Variants in PCDHGA12 observed in about 807,000 individuals in gnomAD.
The protein encoded by PCDHGA12 is protocadherin gamma subfamily A, 12, also known as protocadherin gamma-A12.
Under a neutral mutation model 61.1 loss-of-function variants are expected in PCDHGA12, and 43 were observed. The observed-to-expected ratio is 0.70, with a 90% CI of 0.55 to 0.91. The LOEUF is 0.91. PCDHGA12 is among the 40% of genes least tolerant of loss of function. PCDHGA12 has a pLI of 0.00. For synonymous variants in PCDHGA12, 520 were observed against 542.9 expected (o/e 0.96, Z 0.59); for missense variants, 1,236 against 1,227.7 (o/e 1.01, Z -0.10).
At chr5:141,478,740 C>T (rs2099474176) in intron 1 of PCDHGA12, 7 of 1,531,524 alleles carry the variant, frequency 4.6e-6, no homozygotes, top group Non-Finnish European at 6.2e-6. Flanking sequence ...GGTTTGTGGT[C>T]CCATTTCAGG....
intron 1 of PCDHGA12, among the ~76,000 whole-genome samples, chr5:141,474,187 T>A (rs2099345004): frequency 6.6e-6 from 1 of 152,210 alleles, no homozygotes; most frequent in South Asian, 2.1e-4. Context: ...ACTACTTACA[T>A]TTTTAAAAGC....
At chr5:141,488,834 G>A (rs976460724) in intron 1 of PCDHGA12, among the ~76,000 whole-genome samples, 1 of 152,160 alleles carries the variant, frequency 6.6e-6, no homozygotes, top group Admixed American at 6.5e-5. Context: ...GCTGCCAAGG[G>A]GGCTGAATCA....
Position 141,476,461 on chromosome 5 carries a change from G to T in PCDHGA12, c.2425-18346G>T. On this transcript the variant is annotated intron_variant, in intron 1 of 3. Transcript: ENST00000252085. This position sits in a 1 kb window ranked among gnomAD's most constrained non-coding sequence, Gnocchi z 7.6. The stretch of plus-strand genomic sequence containing the variant: ...CTCTGGAGTTGGTAGTGGAGAACCC[G>T]CTGGAGCTGTTCAGCGTGGAAGTGG... The T allele has an allele frequency of 6.2e-7, 1 of 1,614,122 alleles. No homozygotes were observed. Among genetic ancestry groups the T allele is most frequent in the Non-Finnish European group, 8.5e-7 (1 of 1,180,022 alleles).
chr5:141,480,371 C>T (rs1562080299), intron 1 of PCDHGA12, among the ~76,000 whole-genome samples: 1 of 151,908 alleles, frequency 6.6e-6, no homozygotes, highest in African/African-American at 2.4e-5. Flanking sequence ...GCTGTGATTG[C>T]ACCACTACAC....
Position 141,476,788 on chromosome 5 carries a change from C to G in PCDHGA12, c.2425-18019C>G. 1 of 1,613,478 alleles carries G rather than the reference C, an allele frequency of 6.2e-7. No homozygotes were observed. Among genetic ancestry groups the G allele is most frequent in the Non-Finnish European group, 8.5e-7 (1 of 1,180,032 alleles). ...CGTTGGACGGAGGGACCCCAGCTCT[C>G]TCCGCCAGCCTGCCTATTCACATCA... On this transcript the variant is annotated intron_variant, in intron 1 of 3. Coordinates refer to ENST00000252085, the MANE Select transcript of PCDHGA12 (RefSeq NM_003735.3). This position sits in a 1 kb window ranked among gnomAD's most constrained non-coding sequence, Gnocchi z 7.6.
Position 141,490,310 on chromosome 5 carries a change from A to G in PCDHGA12, c.2425-4497A>G. 2 of 1,614,082 alleles carry G rather than the reference A, an allele frequency of 1.2e-6. No homozygotes were observed. Among genetic ancestry groups the G allele is most frequent in the South Asian group, 2.2e-5 (2 of 91,078 alleles). ...GAGGTGCTATTGGCCTCTTTGGCCA[A>G]CCCTGTCCTAGAGAGCACACCAGTG... On this transcript the variant is annotated intron_variant, in intron 1 of 3. Transcript: ENST00000252085. The surrounding 1 kb of genome is among the most constrained non-coding windows in gnomAD (Gnocchi z 5.4).
In PCDHGA12 at chr5:141,487,494, C is replaced by T. The variant is rs116370895; in HGVS notation, c.2425-7313C>T. 12 of 1,614,120 alleles carry T rather than the reference C, an allele frequency of 7.4e-6. No individual in the cohort carries two copies. The East Asian group carries it at 1.1e-4, about 15-fold the overall frequency. On this transcript the variant is annotated intron_variant, in intron 1 of 3. Transcript: ENST00000252085. The surrounding 1 kb of genome is among the most constrained non-coding windows in gnomAD (Gnocchi z 5.0). Reference sequence around the variant, plus strand: ...GGAGGCCACTCTCATGGCTGTACACCCTTGGCTTCTGCACCCACTCGGAGT... The same window carrying T: ...GGAGGCCACTCTCATGGCTGTACACTCTTGGCTTCTGCACCCACTCGGAGT...
chr5:141,498,625 T>C (rs1327552423), intron 2 of PCDHGA12, among the ~76,000 whole-genome samples: 1 of 152,176 alleles, frequency 6.6e-6, no homozygotes, highest in Non-Finnish European at 1.5e-5. Context: ...TGGGTCACAC[T>C]GCCTAGACAG....
chr5:141,488,751 C>T (rs1185515068), intron 1 of PCDHGA12, among the ~76,000 whole-genome samples: 1 of 152,154 alleles, frequency 6.6e-6, no homozygotes, highest in Non-Finnish European at 1.5e-5. Context: ...CAGGAAGTTG[C>T]TGGGACAGAA....
At position 141,455,034 on chromosome 5, in the gene PCDHGA12, G is replaced by T. The variant is rs112590950; in HGVS notation, c.2424+21851G>T. 8.3e-3 allele frequency among the ~76,000 whole-genome samples: 1,254 copies of T among 150,894 alleles called. 18 individuals are homozygous for T. Among genetic ancestry groups the T allele is most frequent in the African/African-American group, 0.029 (1,191 of 41,122 alleles). ...TCACCGTGTTAGCCAGGATGGTCTC[G>T]ATCTCCTGACCTCGTGATCCGCCCG... On this transcript the variant is annotated intron_variant, in intron 1 of 3. Coordinates refer to ENST00000252085, the MANE Select transcript of PCDHGA12 (RefSeq NM_003735.3).
rs1457243337 is a variant in PCDHGA12 at position 141,493,567 on chromosome 5, C to T, written c.2425-1240C>T. Reference sequence around the variant, plus strand: ...TTTGGAGATTGAGTTCCCCCAGCTCCGTTTCCTCCTATCACAATCACTGCA... The same window carrying T: ...TTTGGAGATTGAGTTCCCCCAGCTCTGTTTCCTCCTATCACAATCACTGCA... On this transcript the variant is annotated intron_variant, in intron 1 of 3. Transcript: ENST00000252085. This position sits in a 1 kb window ranked among gnomAD's most constrained non-coding sequence, Gnocchi z 4.3. Among the ~76,000 whole-genome samples, 3 of 152,266 alleles carry T rather than the reference C, an allele frequency of 2.0e-5. No individual in the cohort carries two copies. The highest frequency in any genetic ancestry group is 4.4e-5 in the Non-Finnish European group (3 of 68,018).
At position 141,505,390 on chromosome 5, in the gene PCDHGA12, C is replaced by T; in HGVS notation, c.2484-3C>T. On this transcript the variant is annotated splice_polypyrimidine_tract_variant and splice_region_variant and intron_variant, in intron 2 of 3. Coordinates refer to ENST00000252085, the MANE Select transcript of PCDHGA12 (RefSeq NM_003735.3). ...TGTGCTCACCATCCTACTCTCTCCCCAGCTCCCAAAATGGCGATGACACCG... is the reference window on the plus strand; with the variant it reads ...TGTGCTCACCATCCTACTCTCTCCCTAGCTCCCAAAATGGCGATGACACCG... The T allele has an allele frequency of 6.2e-7, 1 of 1,614,130 alleles. No individual in the cohort carries two copies.
intron 1 of PCDHGA12, chr5:141,478,585 T>A (rs1474599564): frequency 1.3e-5 from 20 of 1,576,728 alleles, no homozygotes; most frequent in Non-Finnish European, 1.7e-5. Flanking sequence ...TGTTAGTGCT[T>A]TTTTATTCCT....
At position 141,431,211 on chromosome 5, in the gene PCDHGA12, G is replaced by C. The variant is rs1054638121; in HGVS notation, c.452G>C (p.Arg151Pro). ...KISENAATEMRFPLPHAWDPD... is the reference protein window; with the variant it reads ...KISENAATEMPFPLPHAWDPD... Reference sequence around the variant, plus strand: ...AGTGAAAATGCAGCCACTGAGATGCGGTTCCCTCTACCCCACGCCTGGGAT... The same window carrying C: ...AGTGAAAATGCAGCCACTGAGATGCCGTTCCCTCTACCCCACGCCTGGGAT... The change falls in exon 1 of 4, where the codon CGG becomes CCG. Residue 151 changes from arginine to proline, a missense_variant. Arg to Pro is a moderately radical substitution (Grantham distance 103). Coordinates refer to ENST00000252085, the MANE Select transcript of PCDHGA12 (RefSeq NM_003735.3). This position sits in a 1 kb window ranked among gnomAD's most constrained non-coding sequence, Gnocchi z 4.8. 1.2e-6 allele frequency: 2 copies of C among 1,614,122 alleles called. No individual in the cohort carries two copies. Among genetic ancestry groups the C allele is most frequent in the Non-Finnish European group, 1.7e-6 (2 of 1,180,036 alleles).
intron 3 of PCDHGA12, among the ~76,000 whole-genome samples, chr5:141,509,022 C>G (rs2099873807): frequency 6.6e-6 from 1 of 152,206 alleles, no homozygotes; most frequent in East Asian, 1.9e-4. Context: ...CAGCTGCTCC[C>G]TCCCACTCAA....
At position 141,486,783 on chromosome 5, in the gene PCDHGA12, C is replaced by A. The variant is rs905423670; in HGVS notation, c.2425-8024C>A. ...CAGACACTGCAGTTTGAGGTGCAGG[C>A]CCGGGATCGGGGCAACCCACCCCTT... On this transcript the variant is annotated intron_variant, in intron 1 of 3. Transcript: ENST00000252085. The surrounding 1 kb of genome is among the most constrained non-coding windows in gnomAD (Gnocchi z 5.0). 6.2e-7 allele frequency: 1 copy of A among 1,614,102 alleles called. No homozygotes were observed.
rs551414580 is a variant in PCDHGA12, at chr5:141,493,693, C to T, written c.2425-1114C>T. ...GCCCCAGAATGGTGCTGGTGACTCC[C>T]GATACACCTGGAATGCTAGGTTTCT... On this transcript the variant is annotated intron_variant, in intron 1 of 3. Coordinates refer to ENST00000252085, the MANE Select transcript of PCDHGA12 (RefSeq NM_003735.3). This position sits in a 1 kb window ranked among gnomAD's most constrained non-coding sequence, Gnocchi z 4.3. 5.3e-5 allele frequency among the ~76,000 whole-genome samples: 8 copies of T among 152,168 alleles called. No individual in the cohort carries two copies. Among genetic ancestry groups the T allele is most frequent in the Non-Finnish European group, 1.0e-4 (7 of 68,032 alleles).
chr5:141,440,618 C>G (rs1287745652), intron 1 of PCDHGA12: 3 of 152,196 alleles, frequency 2.0e-5, no homozygotes, highest in South Asian at 2.1e-4. Context: ...GCAGAAGATC[C>G]TGATGTTGAG....
intron 2 of PCDHGA12, among the ~76,000 whole-genome samples, chr5:141,503,685 G>A (rs1171934407): frequency 2.6e-5 from 4 of 151,882 alleles, no homozygotes; most frequent in African/African-American, 9.7e-5. Context: ...TTGGGAAGGA[G>A]AATTGAGATT....
Sources: gnomAD v4.1 joint callset for allele counts (sites outside exome capture counted in the v4.1 genomes callset) on GRCh38, gnomAD v4.1.1 for gene constraint, Gnocchi (gnomAD v3.1) non-coding constraint, MANE v1.5 for transcripts, NCBI Gene and HGNC (gene_info 2026-07-23, HGNC 2026-07-21) for gene names.